The following RTN1 variants were observed in gnomAD, a reference collection of about 807,000 sequenced individuals.
RTN1 encodes the protein reticulon-1.
A neutral mutation model predicts 65.5 loss-of-function variants in RTN1; 25 were observed. That is an observed-to-expected ratio of 0.38 (90% CI 0.28 to 0.53). The LOEUF is 0.53. RTN1 is among the 20% of genes least tolerant of loss of function. The pLI, the probability that RTN1 is intolerant of heterozygous loss-of-function variation, is 0.79. For synonymous variants in RTN1, 471 were observed against 447.6 expected, an observed-to-expected ratio of 1.05 and a Z score of -0.66; for missense variants, 983 against 1,025.4, an observed-to-expected ratio of 0.96 and a Z score of 0.57.
chr14:59,749,316 A>ATC (rs1378994446), intron 1 of RTN1, among the ~76,000 whole-genome samples: 2 of 59,560 alleles, frequency 3.4e-5, no homozygotes, highest in African/African-American at 1.1e-4. Flanking sequence ...ATCTATATAT[A>ATC]TATCTATATA....
At chr14:59,627,889 G>A (rs970216737) in intron 3 of RTN1, among the ~76,000 whole-genome samples, 1 of 152,046 alleles carries the variant, frequency 6.6e-6, no homozygotes, top group Non-Finnish European at 1.5e-5. Flanking sequence ...AGCAAAACTT[G>A]TCCCTCCTAA....
Position 59,636,304 on chromosome 14 carries a change from C to G in RTN1, c.1766-28812G>C, listed in dbSNP as rs1882663802. ...CCTTGGTGATAAGTGGGTTTTCACT[C>G]AGTTCATATGAGGTGTGGTTGTTTA... On this transcript the variant is annotated intron_variant, in intron 3 of 8. Coordinates refer to ENST00000267484, the MANE Select transcript of RTN1 (RefSeq NM_021136.3). Among the ~76,000 whole-genome samples, 3 of 152,076 alleles carry G rather than the reference C, an allele frequency of 2.0e-5. No homozygotes were observed. The South Asian group carries it at 6.2e-4, about 32-fold the overall frequency.
chr14:59,843,691 T>A (rs964072690), intron 1 of RTN1, among the ~76,000 whole-genome samples: 1 of 152,100 alleles, frequency 6.6e-6, no homozygotes, highest in East Asian at 1.9e-4. Context: ...TGGGAGAAAT[T>A]TGAGCACAAT....
intron 1 of RTN1, among the ~76,000 whole-genome samples, chr14:59,750,220 T>A (rs1242639192): frequency 2.2e-5 from 1 of 45,174 alleles, no homozygotes; most frequent in Non-Finnish European, 3.5e-5. Flanking sequence ...ATATATATAT[T>A]ATATCTATAA....
chr14:59,652,064 A>C (rs865797297), intron 3 of RTN1, among the ~76,000 whole-genome samples: 1 of 152,322 alleles, frequency 6.6e-6, no homozygotes, highest in Middle Eastern at 3.4e-3. Flanking sequence ...ACAGTCAACA[A>C]GCATATGAAA....
chr14:59,745,713 C>A lies in RTN1; in HGVS notation c.1010G>T (p.Gly337Val). The part of the protein sequence containing the change: ...SPGSITPPSS[G>V]TEPSAAESQG... ...AGCAATAACAGGGCCTTTACCTGTT[C>A]CAGAAGATGGAGGGGTGATAGATCC... Residue 337 changes from glycine to valine, a missense_variant, in exon 2 of 9, where the codon GGA becomes GTA. By Grantham distance (109) the Gly-to-Val change is moderately radical. Around this residue, in one of 2 missense-constraint regions of RTN1, gnomAD observed 818 missense variants for 801.8 expected, o/e 1.02. Coordinates refer to ENST00000267484, the MANE Select transcript of RTN1 (RefSeq NM_021136.3). 1 of 1,599,000 alleles carries A rather than the reference C, an allele frequency of 6.3e-7. No individual in the cohort carries two copies. The highest frequency in any genetic ancestry group is 8.5e-7 in the Non-Finnish European group (1 of 1,174,402).
intron 1 of RTN1, among the ~76,000 whole-genome samples, chr14:59,865,158 G>A (rs1005901813): frequency 6.6e-6 from 1 of 152,094 alleles, no homozygotes; most frequent in African/African-American, 2.4e-5. Flanking sequence ...TTTTCTAAGG[G>A]TCTATGAATA....
intron 3 of RTN1, among the ~76,000 whole-genome samples, chr14:59,617,494 G>T (rs1200387923): frequency 6.6e-6 from 1 of 152,174 alleles, no homozygotes; most frequent in Non-Finnish European, 1.5e-5. Context: ...GCCAAGTACA[G>T]TAAGAGTAAA....
rs568032457 is a variant in RTN1 at position 59,771,969 on chromosome 14, C to T, written c.242-25488G>A. On this transcript the variant is annotated intron_variant, in intron 1 of 8. Transcript: ENST00000267484. ...CCATTTTATTTTAGACTCCACTATA[C>T]TATTCATTATTTATTGCTAGTGCCT... Among the ~76,000 whole-genome samples, 7 of 152,320 alleles carry T rather than the reference C, an allele frequency of 4.6e-5. No individual in the cohort carries two copies. In the South Asian group the frequency reaches 1.5e-3, roughly 32 times the overall value.
chr14:59,614,407 T>A (rs1443371660), intron 3 of RTN1, among the ~76,000 whole-genome samples: 2 of 152,198 alleles, frequency 1.3e-5, no homozygotes, highest in Non-Finnish European at 2.9e-5. Context: ...GTCTGTGTAT[T>A]TATATGTGTT....
rs1167605100 is a variant in RTN1 at position 59,774,372 on chromosome 14, T to A, written c.242-27891A>T. On this transcript the variant is annotated intron_variant, in intron 1 of 8. Coordinates refer to ENST00000267484, the MANE Select transcript of RTN1 (RefSeq NM_021136.3). This position sits in a 1 kb window ranked among gnomAD's most constrained non-coding sequence, Gnocchi z 5.1. ...TATACAACACTATAGATTATTATAA[T>A]TTGGCTCTGAAGGGTTGGTTTCTTT... 1.3e-5 allele frequency among the ~76,000 whole-genome samples: 2 copies of A among 152,188 alleles called. No homozygotes were observed. Among genetic ancestry groups the A allele is most frequent in the Non-Finnish European group, 2.9e-5 (2 of 68,030 alleles).
At chr14:59,689,870 C>T (rs950376737) in intron 3 of RTN1, among the ~76,000 whole-genome samples, 2 of 152,140 alleles carry the variant, frequency 1.3e-5, no homozygotes, top group Admixed American at 1.3e-4. Flanking sequence ...CTTAAGTACA[C>T]AGCCCACAGA....
chr14:59,786,093 C>T (rs1474828258), intron 1 of RTN1, among the ~76,000 whole-genome samples: 1 of 152,158 alleles, frequency 6.6e-6, no homozygotes, highest in East Asian at 1.9e-4. Flanking sequence ...CCAACAATAG[C>T]TCATAGAAGT....
chr14:59,746,920 C>G (rs921697401), intron 1 of RTN1, among the ~76,000 whole-genome samples: 5 of 152,170 alleles, frequency 3.3e-5, no homozygotes, highest in African/African-American at 1.2e-4. Flanking sequence ...TGACTGGGTA[C>G]AGGAGCTGCT....
At chr14:59,616,789 CT>C (rs1882113970) in intron 3 of RTN1, among the ~76,000 whole-genome samples, 1 of 152,136 alleles carries the variant, frequency 6.6e-6, no homozygotes, top group African/African-American at 2.4e-5. Flanking sequence ...TCTCAAATAA[CT>C]TTAAAAATTG....
intron 1 of RTN1, among the ~76,000 whole-genome samples, chr14:59,756,845 T>TG (rs1410566115): frequency 1.4e-5 from 2 of 139,822 alleles, no homozygotes; most frequent in African/African-American, 3.1e-5. Context: ...TTTTTTGTTT[T>TG]TTTTTTTTTG....
intron 3 of RTN1, among the ~76,000 whole-genome samples, chr14:59,647,933 C>T (rs1470579705): frequency 6.6e-6 from 1 of 151,994 alleles, no homozygotes; most frequent in African/African-American, 2.4e-5. Context: ...CAAGAAATAA[C>T]CAAAATCAGG....
intron 1 of RTN1, among the ~76,000 whole-genome samples, chr14:59,773,607 A>G (rs7152594): frequency 0.44 from 66,690 of 151,790 alleles, 15,976 homozygotes; most frequent in African/African-American, 0.63. Context: ...CAGTCTTTCC[A>G]TCAAGTTAAG....
intron 1 of RTN1, among the ~76,000 whole-genome samples, chr14:59,865,748 A>G (rs755263834): frequency 6.6e-6 from 1 of 152,114 alleles, no homozygotes; most frequent in Non-Finnish European, 1.5e-5. Context: ...AATGTCTTTT[A>G]TTTTCACTGC....
Sources: gnomAD v4.1 joint callset for allele counts (sites outside exome capture counted in the v4.1 genomes callset) on GRCh38, gnomAD v4.1.1 for gene constraint, gnomAD v4.1.1 regional missense constraint, Gnocchi (gnomAD v3.1) non-coding constraint, MANE v1.5 for transcripts, NCBI Gene and HGNC (gene_info 2026-07-23, HGNC 2026-07-21) for gene names.